DBNL: variants seen among roughly 807,000 people sequenced by gnomAD.
The protein encoded by DBNL is drebrin like.
A neutral mutation model predicts 62.2 loss-of-function variants in DBNL; 35 were observed. The ratio of observed to expected loss-of-function variants is 0.56; its 90% CI spans 0.43 to 0.75. The LOEUF is 0.75. Among genes scored for constraint, DBNL ranks in the 30% least tolerant of loss-of-function variants. The pLI is 0.00. For missense variants in DBNL, 495 were observed against 578.4 expected (o/e 0.86, Z 1.48); for synonymous variants, 197 against 218.0 (o/e 0.90, Z 0.85).
At chr7:44,044,993 C>A in intron 1 of DBNL, 173 bp downstream of exon 1, 1 of 552,172 alleles carries the variant, frequency 1.8e-6, no homozygotes, top group Non-Finnish European at 2.9e-6. Context: ...TGCTGTCTCA[C>A]CCTCGTGACC....
chr7:44,056,662 G>A (rs2128792903), intron 4 of DBNL, 95 bp from the exon 5 acceptor site: 1 of 1,499,706 alleles, frequency 6.7e-7, no homozygotes, highest in Non-Finnish European at 9.0e-7. Flanking sequence ...AGTCCTGTGT[G>A]GTATAGTAGT....
At chr7:44,050,043 C>T (rs2096123865) in intron 1 of DBNL, 182 bp from the exon 2 acceptor site, 2 of 580,112 alleles carry the variant, frequency 3.4e-6, no homozygotes, top group South Asian at 1.9e-5. Context: ...GAGAAGGCTG[C>T]ACAGTTGCCT....
In DBNL at chr7:44,057,636, T is replaced by C. The variant is rs560700571; in HGVS notation, c.475-146T>C. On this transcript the variant is annotated intron_variant, in intron 5 of 12. Coordinates refer to ENST00000448521, the MANE Select transcript of DBNL (RefSeq NM_001014436.3). The stretch of plus-strand genomic sequence containing the variant: ...TGGTGTGTGTCTCCTTGAGGGTCAC[T>C]GGGCAGTGCTCTGCTGCCTCTGCTG... 1.8e-5 allele frequency: 14 copies of C among 758,910 alleles called. No homozygotes were observed. In the South Asian group the frequency reaches 2.2e-4, roughly 12 times the overall value. The allele number at this position is 758,910 out of a possible 1,614,324, so 47.0% of individuals were successfully genotyped here.
At chr7:44,046,952 C>T (rs1416181720) in intron 1 of DBNL, among the ~76,000 whole-genome samples, 1 of 152,170 alleles carries the variant, frequency 6.6e-6, no homozygotes, top group East Asian at 1.9e-4. Context: ...AACTTACAAG[C>T]TGGTTCCTCT....
At chr7:44,056,586 C>G (rs1215360096) in intron 4 of DBNL, among the ~76,000 whole-genome samples, 171 bp from the exon 5 acceptor site, 2 of 152,130 alleles carry the variant, frequency 1.3e-5, no homozygotes, top group African/African-American at 2.4e-5. Context: ...TTTGTTTGAG[C>G]CCTTGAGGGG....
rs984397262 is a variant in DBNL at position 44,065,070 on chromosome 7, C to T, written c.*4154C>T. The T allele has an allele frequency of 6.2e-7, 1 of 1,611,680 alleles. No individual in the cohort carries two copies. The highest frequency in any genetic ancestry group is 1.3e-5 in the African/African-American group (1 of 75,070). On this transcript the variant is annotated 3_prime_UTR_variant, in exon 13 of 13. Transcript: ENST00000448521. ...AAGCCAGTGGGCCCCCACCCGACTC[C>T]CCACTCTGCAGCTTCCCAGAGGCCT...
At position 44,062,191 on chromosome 7, in the gene DBNL, T is replaced by A. The variant is rs1247674297; in HGVS notation, c.*1275T>A. On this transcript the variant is annotated 3_prime_UTR_variant, in exon 13 of 13. Coordinates refer to ENST00000448521, the MANE Select transcript of DBNL (RefSeq NM_001014436.3). ...CTTCCTGTGCTCAGGCCTCTCCCCT[T>A]TTCGCCAGGGCTTCCTGGTGCCTCT... 5 of 172,316 alleles carry A rather than the reference T, an allele frequency of 2.9e-5. No homozygotes were observed. The highest frequency in any genetic ancestry group is 1.2e-4 in the African/African-American group (5 of 41,930). 10.7% of individuals were successfully genotyped at this position (172,316 alleles called of 1,614,324 possible). A position where few individuals can be genotyped will look rare whatever the true frequency, so the allele number is the denominator to read the frequency against.
chr7:44,049,991 C>T (rs1466309887), intron 1 of DBNL: 1 of 483,908 alleles, frequency 2.1e-6, no homozygotes, highest in Non-Finnish European at 3.9e-6. Context: ...ACAACCCCCA[C>T]CCCATGGTAA....
chr7:44,060,543 C>G lies in DBNL; in HGVS notation c.1154-234C>G, dbSNP rs1333002365. 6.6e-6 allele frequency among the ~76,000 whole-genome samples: 1 copy of G among 152,052 alleles called. No individual in the cohort carries two copies. Among genetic ancestry groups the G allele is most frequent in the East Asian group, 1.9e-4 (1 of 5,180 alleles). ...GGAGCAGGCTGGTGTCTACTCTAGC[C>G]TTTTTTGGGAATGCTCTGTAGGAGG... is the stretch of plus-strand genomic sequence containing the variant. On this transcript the variant is annotated intron_variant, in intron 12 of 12. Transcript: ENST00000448521. The surrounding 1 kb of genome is among the most constrained non-coding windows in gnomAD (Gnocchi z 6.3).
At position 44,065,040 on chromosome 7, in the gene DBNL, C is replaced by T. The variant is rs778175348; in HGVS notation, c.*4124C>T. On this transcript the variant is annotated 3_prime_UTR_variant, in exon 13 of 13. Coordinates refer to ENST00000448521, the MANE Select transcript of DBNL (RefSeq NM_001014436.3). Reference sequence around the variant, plus strand: ...GGGGGACACAGGCACGCTGCTTTCCCTCCCAAGCCAGTGGGCCCCCACCCG... The same window carrying T: ...GGGGGACACAGGCACGCTGCTTTCCTTCCCAAGCCAGTGGGCCCCCACCCG... 4.4e-6 allele frequency: 7 copies of T among 1,607,838 alleles called. No homozygotes were observed. The highest frequency in any genetic ancestry group is 5.9e-6 in the Non-Finnish European group (7 of 1,179,618).
rs747623410 is a variant in DBNL, at chr7:44,065,540, G to C, written c.*4624G>C. On this transcript the variant is annotated 3_prime_UTR_variant, in exon 13 of 13. Transcript: ENST00000448521. ...GCGGTGAGTGGCCATGGTGGCAGCA[G>C]GGACCACAGAGGACTCTGGACGGGG... 6.2e-7 allele frequency: 1 copy of C among 1,613,514 alleles called. No individual in the cohort carries two copies. Among genetic ancestry groups the C allele is most frequent in the East Asian group, 2.2e-5 (1 of 44,890 alleles).
At position 44,062,943 on chromosome 7, in the gene DBNL, G is replaced by C. The variant is rs1318364025; in HGVS notation, c.*2027G>C. On this transcript the variant is annotated 3_prime_UTR_variant, in exon 13 of 13. Transcript: ENST00000448521. Reference sequence around the variant, plus strand: ...TGGTCTGACATCCCTATGCCGGAAGGAATAGGTGTCCTTAGCCCCTCTGTC... The same window carrying C: ...TGGTCTGACATCCCTATGCCGGAAGCAATAGGTGTCCTTAGCCCCTCTGTC... 1 of 1,614,114 alleles carries C rather than the reference G, an allele frequency of 6.2e-7. No individual in the cohort carries two copies. The highest frequency in any genetic ancestry group is 1.7e-5 in the Admixed American group (1 of 60,020).
At position 44,058,935 on chromosome 7, in the gene DBNL, CAGA is replaced by C. The variant is rs763417284; in HGVS notation, c.790_792del (p.Lys264del). ...CGTGCACCCGAGGGAGATTTTCAAGCAGAAGGAGAGGGCCATGTCCACCACCTC... is the reference window on the plus strand; with the variant it reads ...CGTGCACCCGAGGGAGATTTTCAAGCAGGAGAGGGCCATGTCCACCACCTC... On this transcript the variant is annotated inframe_deletion, in exon 9 of 13. Coordinates refer to ENST00000448521, the MANE Select transcript of DBNL (RefSeq NM_001014436.3). The C allele has an allele frequency of 2.5e-6, 4 of 1,613,836 alleles. No homozygotes were observed. In the South Asian group the frequency reaches 3.3e-5, roughly 13 times the overall value.
intron 5 of DBNL, 60 bp from the exon 6 acceptor site, chr7:44,057,722 T>C: frequency 6.3e-7 from 1 of 1,597,558 alleles, no homozygotes; most frequent in East Asian, 2.2e-5. Flanking sequence ...TCTCCTTTGG[T>C]GCCTGTGGGC....
At position 44,063,221 on chromosome 7, in the gene DBNL, G is replaced by A. The variant is rs1212031490; in HGVS notation, c.*2305G>A. On this transcript the variant is annotated 3_prime_UTR_variant, in exon 13 of 13. Transcript: ENST00000448521. ...GTTCCCTCAGCCCAGTGTGACTCCA[G>A]CCAGACTGAAGTTGAGGGTCAGGAA... 8.4e-6 allele frequency: 4 copies of A among 477,426 alleles called. No individual in the cohort carries two copies. The highest frequency in any genetic ancestry group is 1.2e-5 in the Non-Finnish European group (3 of 260,114). 29.6% of individuals were successfully genotyped at this position (477,426 alleles called of 1,614,324 possible).
At position 44,058,544 on chromosome 7, in the gene DBNL, G is replaced by A. The variant is rs376285720; in HGVS notation, c.753+64G>A. The A allele has an allele frequency of 2.1e-4, 330 of 1,589,052 alleles. 1 individual carries two copies. The highest frequency in any genetic ancestry group is 1.5e-4 in the African/African-American group (11 of 74,404). On this transcript the variant is annotated intron_variant, in intron 8 of 12. Coordinates refer to ENST00000448521, the MANE Select transcript of DBNL (RefSeq NM_001014436.3). ...GCCACACGCAGAAGTCCCTGATCTC[G>A]GATTGAGGGCCCAGCCCAGACCTGG...
chr7:44,058,272 C>A lies in DBNL; in HGVS notation c.696C>A (p.Ser232Arg). The A allele has an allele frequency of 1.3e-6, 2 of 1,572,168 alleles. No homozygotes were observed. Among genetic ancestry groups the A allele is most frequent in the Non-Finnish European group, 1.7e-6 (2 of 1,158,920 alleles). The change falls in exon 7 of 13, where the codon AGC (serine) becomes AGA (arginine). Residue 232 changes from serine to arginine, a missense_variant. Coordinates refer to ENST00000448521, the MANE Select transcript of DBNL (RefSeq NM_001014436.3). Reference protein sequence around the residue: ...QRYQEQGGEASPQRTWEQQQE... With the variant: ...QRYQEQGGEARPQRTWEQQQE... ...ATCAGGAGCAGGGTGGCGAGGCCAGCCCCCAGAGGTGAGCCAGAGGTGGAG... is the reference window on the plus strand; with the variant it reads ...ATCAGGAGCAGGGTGGCGAGGCCAGACCCCAGAGGTGAGCCAGAGGTGGAG...
chr7:44,049,156 G>C (rs1050920159), intron 1 of DBNL, among the ~76,000 whole-genome samples: 2 of 152,016 alleles, frequency 1.3e-5, no homozygotes, highest in African/African-American at 2.4e-5. Context: ...ACCTGGCCCA[G>C]AGTTCTGTTC....
chr7:44,047,379 A>G (rs1313476893), intron 1 of DBNL, among the ~76,000 whole-genome samples: 1 of 152,200 alleles, frequency 6.6e-6, no homozygotes, highest in African/African-American at 2.4e-5. Context: ...TCACACACAC[A>G]GTGCTGGCAT....
Sources: gnomAD v4.1 joint callset for allele counts (sites outside exome capture counted in the v4.1 genomes callset) on GRCh38, gnomAD v4.1.1 for gene constraint, Gnocchi (gnomAD v3.1) non-coding constraint, MANE v1.5 for transcripts, NCBI Gene and HGNC (gene_info 2026-07-23, HGNC 2026-07-21) for gene names.